Variants in RNASEH1 observed in about 807,000 individuals in gnomAD.
The protein encoded by RNASEH1 is ribonuclease H1, also known as ribonuclease H type II.
Under a neutral mutation model 34.6 loss-of-function variants are expected in RNASEH1, and 27 were observed. The ratio of observed to expected loss-of-function variants is 0.78; its 90% CI spans 0.58 to 1.08. RNASEH1 has a LOEUF of 1.08. Among genes scored for constraint, RNASEH1 ranks in the 50% least tolerant of loss-of-function variants. The pLI is 0.00. For missense variants in RNASEH1, 349 were observed against 373.6 expected (o/e 0.93, Z 0.54); for synonymous variants, 162 against 138.4 (o/e 1.17, Z -1.20).
At position 3,545,795 on chromosome 2, in the gene RNASEH1, G is replaced by A. The variant is rs969163272; in HGVS notation, c.851C>T (p.Ser284Leu). Residue 284 changes from serine (S) to leucine (L), a missense_variant, in exon 8 of 8, where the codon TCG becomes TTG. Ser to Leu is a moderately radical substitution (Grantham distance 145). Around this residue, in one of 2 missense-constraint regions of RNASEH1, gnomAD observed 93 missense variants for 132.9 expected, o/e 0.70. Transcript: ENST00000315212. ...DRLAREGAKQ[S>L]ED ...CTAAAGTCACATGGCTCAGTCTTCC[G>A]ATTGTTTAGCTCCTTCTCTGGCTAA... 7 of 1,612,452 alleles carry A rather than the reference G, an allele frequency of 4.3e-6. No homozygotes were observed. Among genetic ancestry groups the A allele is most frequent in the Admixed American group, 1.7e-5 (1 of 60,018 alleles).
downstream of RNASEH1, chr2:3,536,831 G>A (rs1454412706): frequency 6.6e-6 from 1 of 152,286 alleles, no homozygotes; most frequent in East Asian, 1.9e-4. Context: ...CTCAGGTCAA[G>A]GTTCCCGCTG....
Position 3,545,671 on chromosome 2 carries a change from C to A in RNASEH1, c.*114G>T. Reference sequence around the variant, plus strand: ...ACTGTGCCTGATTCCGTGTGAAAGACGCATCTGCCCATCACTGCAATGGTC... The same window carrying A: ...ACTGTGCCTGATTCCGTGTGAAAGAAGCATCTGCCCATCACTGCAATGGTC... On this transcript the variant is annotated 3_prime_UTR_variant, in exon 8 of 8. Transcript: ENST00000315212. 3 of 720,580 alleles carry A rather than the reference C, an allele frequency of 4.2e-6. No homozygotes were observed. Among genetic ancestry groups the A allele is most frequent in the South Asian group, 1.5e-5 (1 of 66,904 alleles). The allele number at this position is 720,580 out of a possible 1,614,324, so 44.6% of individuals were successfully genotyped here.
At position 3,544,332 on chromosome 2, in the gene RNASEH1, C is replaced by T. The variant is rs1434244444; in HGVS notation, c.*1453G>A. Among the ~76,000 whole-genome samples, 1 of 151,490 alleles carries T rather than the reference C, an allele frequency of 6.6e-6. No individual in the cohort carries two copies. The highest frequency in any genetic ancestry group is 2.1e-4 in the South Asian group (1 of 4,792). ...ACATAGAGGACCATGCTGAACTACA[C>T]CATGACCACGTGGTCAGCAAAATCT... is the stretch of plus-strand genomic sequence containing the variant. On this transcript the variant is annotated 3_prime_UTR_variant, in exon 8 of 8. Coordinates refer to ENST00000315212, the MANE Select transcript of RNASEH1 (RefSeq NM_002936.6).
At chr2:3,553,145 G>C (rs370058337) in intron 2 of RNASEH1, among the ~76,000 whole-genome samples, 31 of 152,008 alleles carry the variant, frequency 2.0e-4, no homozygotes, top group African/African-American at 7.5e-4. Flanking sequence ...CTACTCAGGA[G>C]GCTGAGGCAG....
chr2:3,532,677 T>C, the RNASEH1 span, among the ~76,000 whole-genome samples: 2 of 152,210 alleles, frequency 1.3e-5, no homozygotes, highest in Non-Finnish European at 1.5e-5. Flanking sequence ...AAACACGGTA[T>C]CATCATCTGA....
chr2:3,557,262 C>T (rs182946691), intron 1 of RNASEH1, among the ~76,000 whole-genome samples: 24 of 152,176 alleles, frequency 1.6e-4, no homozygotes, highest in Admixed American at 1.3e-3. Flanking sequence ...ACTGAGGATG[C>T]AAACTGGATA....
At chr2:3,548,131 T>C (rs1277137188) in intron 6 of RNASEH1, 76 bp from the exon 7 acceptor site, 7 of 1,529,574 alleles carry the variant, frequency 4.6e-6, no homozygotes, top group Non-Finnish European at 5.4e-6. Flanking sequence ...TTACCTCTTA[T>C]AATTGATCCC....
Position 3,558,173 on chromosome 2 carries a change from C to T in RNASEH1, c.88G>A (p.Ala30Thr). 1 of 1,603,802 alleles carries T rather than the reference C, an allele frequency of 6.2e-7. No homozygotes were observed. The highest frequency in any genetic ancestry group is 8.5e-7 in the Non-Finnish European group (1 of 1,176,662). The change falls in exon 1 of 8, where the codon GCC (alanine) becomes ACC (threonine). Residue 30 changes from alanine to threonine, a missense_variant. Physicochemically the swap from Ala to Thr is moderately conservative, Grantham distance 58. This residue lies in a region of RNASEH1 where 256 missense variants were observed against 240.7 expected (regional missense o/e 1.06). Transcript: ENST00000315212. ...RGSRGFGMFY[A>T]VRRGRKTGVF... Reference sequence around the variant, plus strand: ...CCGGTCTTGCGGCCCCTCCTCACGGCATAGAACATCCCGAACCCGCGAGAG... The same window carrying T: ...CCGGTCTTGCGGCCCCTCCTCACGGTATAGAACATCCCGAACCCGCGAGAG...
chr2:3,555,109 A>G (rs1660353065), intron 2 of RNASEH1, among the ~76,000 whole-genome samples: 1 of 152,234 alleles, frequency 6.6e-6, no homozygotes, highest in Non-Finnish European at 1.5e-5. Context: ...GGCCTGACCA[A>G]GGACAGAGAA....
chr2:3,535,325 G>A, the RNASEH1 span, among the ~76,000 whole-genome samples: 1 of 151,630 alleles, frequency 6.6e-6, no homozygotes, highest in Non-Finnish European at 1.5e-5. Flanking sequence ...TACTTGGGAG[G>A]CTGAGGCAAG....
At chr2:3,554,426 G>A (rs1660288019) in intron 2 of RNASEH1, among the ~76,000 whole-genome samples, 3 of 152,196 alleles carry the variant, frequency 2.0e-5, no homozygotes, top group Non-Finnish European at 4.4e-5. Context: ...TGGTTTTTAA[G>A]TAAATTAACC....
At chr2:3,557,797 T>A in intron 1 of RNASEH1, 2 of 1,087,314 alleles carry the variant, frequency 1.8e-6, no homozygotes, top group Non-Finnish European at 2.6e-6. Context: ...AGTCTTCTGG[T>A]AACGGGGGTT....
chr2:3,554,394 T>A (rs1266861454), intron 2 of RNASEH1, among the ~76,000 whole-genome samples: 1 of 152,190 alleles, frequency 6.6e-6, no homozygotes, highest in Non-Finnish European at 1.5e-5. Context: ...ACTTGTCAGT[T>A]AAGTTTTACT....
intron 1 of RNASEH1, 89 bp from the exon 2 acceptor site, chr2:3,556,993 T>C (rs1229656354): frequency 2.1e-6 from 2 of 941,380 alleles, no homozygotes; most frequent in Non-Finnish European, 3.4e-6. Context: ...AATACAGTTG[T>C]CCCTTGGTAT....
intron 3 of RNASEH1, 84 bp downstream of exon 3, chr2:3,552,060 C>A: frequency 2.8e-6 from 3 of 1,089,728 alleles, no homozygotes; most frequent in Non-Finnish European, 4.0e-6. Context: ...AGCTCAAACT[C>A]CCCCCATCAA....
Position 3,542,657 on chromosome 2 carries a change from AT to A in RNASEH1, c.*3127del, listed in dbSNP as rs1013506304. On this transcript the variant is annotated 3_prime_UTR_variant, in exon 8 of 8. Transcript: ENST00000315212. ...TCACAATTAATGCTATGGTATTAGT[AT>A]TTTTTTTAAATGCTAAATGCTAAAG... Among the ~76,000 whole-genome samples, 2 of 152,018 alleles carry A rather than the reference AT, an allele frequency of 1.3e-5. No homozygotes were observed. The highest frequency in any genetic ancestry group is 2.1e-4 in the South Asian group (1 of 4,812).
At chr2:3,551,872 C>CA in intron 3 of RNASEH1, among the ~76,000 whole-genome samples, 1 of 152,186 alleles carries the variant, frequency 6.6e-6, no homozygotes, top group Non-Finnish European at 1.5e-5. Context: ...TTCATCTTAA[C>CA]GTTAAGTACT....
At chr2:3,540,563 C>T (rs1483530198), downstream of RNASEH1, among the ~76,000 whole-genome samples, 1 of 152,158 alleles carries the variant, frequency 6.6e-6, no homozygotes, top group Non-Finnish European at 1.5e-5. Flanking sequence ...CACCTGCCAC[C>T]GCGCCTGGGT....
intron 3 of RNASEH1, 61 bp from the exon 4 acceptor site, chr2:3,550,533 A>C: frequency 8.0e-7 from 1 of 1,253,008 alleles, no homozygotes; most frequent in Non-Finnish European, 1.2e-6. Flanking sequence ...AATTCACCTC[A>C]AAAATCCACT....
Sources: gnomAD v4.1 joint callset for allele counts (sites outside exome capture counted in the v4.1 genomes callset) on GRCh38, gnomAD v4.1.1 for gene constraint, gnomAD v4.1.1 regional missense constraint, MANE v1.5 for transcripts, NCBI Gene and HGNC (gene_info 2026-07-23, HGNC 2026-07-21) for gene names.